RSPO4: variants seen among roughly 807,000 people sequenced by gnomAD.
RSPO4 encodes the protein R-spondin 4, also known as R-spondin-4.
Under a neutral mutation model 24.8 loss-of-function variants are expected in RSPO4, and 23 were observed. The observed-to-expected ratio is 0.93, with a 90% CI of 0.67 to 1.31. The LOEUF (loss-of-function observed/expected upper bound fraction) is 1.31, where lower values mean the gene tolerates loss of function less well. Among genes scored for constraint, RSPO4 ranks in the 40% most tolerant of loss-of-function variants. RSPO4 has a pLI of 0.00. For synonymous variants in RSPO4, 141 were observed against 127.4 expected, an observed-to-expected ratio of 1.11 and a Z score of -0.72; for missense variants, 333 against 316.5, an observed-to-expected ratio of 1.05 and a Z score of -0.39.
In RSPO4 at chr20:985,351, T is replaced by A. The variant is rs939606265; in HGVS notation, c.79+16735A>T. Among the ~76,000 whole-genome samples the A allele has an allele frequency of 2.0e-5, 3 of 151,140 alleles. No individual in the cohort carries two copies. The South Asian group carries it at 6.4e-4, about 32-fold the overall frequency. On this transcript the variant is annotated intron_variant, in intron 1 of 4. Coordinates refer to ENST00000217260, the MANE Select transcript of RSPO4 (RefSeq NM_001029871.4). The stretch of plus-strand genomic sequence containing the variant: ...ATCCACCCAACCATCTATCCGTCCA[T>A]CCATCCATTCAGCAGATATTTCTTG...
intron 1 of RSPO4, among the ~76,000 whole-genome samples, chr20:968,836 A>C (rs771852215): frequency 6.6e-5 from 10 of 152,192 alleles, no homozygotes; most frequent in Non-Finnish European, 1.3e-4. Context: ...TTTTTTAAGG[A>C]GAAAATTTTT....
At chr20:969,349 A>T (rs896107304) in intron 1 of RSPO4, among the ~76,000 whole-genome samples, 1 of 152,154 alleles carries the variant, frequency 6.6e-6, no homozygotes, top group Non-Finnish European at 1.5e-5. Context: ...CAGCCTAGGG[A>T]AGTGAGTTGT....
intron 1 of RSPO4, among the ~76,000 whole-genome samples, chr20:989,505 G>T (rs894674052): frequency 6.6e-6 from 1 of 152,208 alleles, no homozygotes; most frequent in African/African-American, 2.4e-5. Flanking sequence ...CATTGTAGGT[G>T]CTCAATAAAT....
intron 1 of RSPO4, among the ~76,000 whole-genome samples, chr20:993,116 G>T (rs973083189): frequency 6.6e-6 from 1 of 152,174 alleles, no homozygotes; most frequent in Non-Finnish European, 1.5e-5. Context: ...CCAGTGAAAG[G>T]GAGTGGTTTC....
intron 1 of RSPO4, among the ~76,000 whole-genome samples, chr20:986,137 G>T (rs1444683095): frequency 6.6e-6 from 1 of 152,236 alleles, no homozygotes; most frequent in Non-Finnish European, 1.5e-5. Flanking sequence ...GGAAGCTAGG[G>T]TGATCTGAAG....
intron 1 of RSPO4, among the ~76,000 whole-genome samples, chr20:990,695 T>C (rs895608070): frequency 6.6e-6 from 1 of 152,154 alleles, no homozygotes; most frequent in Non-Finnish European, 1.5e-5. Context: ...GTGTAAGCTG[T>C]TGGCTGAGGA....
Position 984,288 on chromosome 20 carries a change from G to A in RSPO4, c.80-16150C>T, listed in dbSNP as rs140145895. 6.8e-3 allele frequency among the ~76,000 whole-genome samples: 1,029 copies of A among 152,078 alleles called. 12 individuals are homozygous for A. Among genetic ancestry groups the A allele is most frequent in the African/African-American group, 0.023 (963 of 41,424 alleles). On this transcript the variant is annotated intron_variant, in intron 1 of 4. Transcript: ENST00000217260. ...TGGGCAGCAGAGGTTGCAGTGAGCC[G>A]AGATCATGCCACTACACTCCACCCT...
intron 1 of RSPO4, among the ~76,000 whole-genome samples, chr20:972,841 C>T (rs771375851): frequency 1.3e-5 from 2 of 152,336 alleles, no homozygotes; most frequent in South Asian, 2.1e-4. Context: ...GAGGCGACCC[C>T]ACTACCAAAG....
chr20:966,131 A>G lies in RSPO4; in HGVS notation c.409+1043T>C, dbSNP rs1003646855. On this transcript the variant is annotated intron_variant, in intron 3 of 4. Transcript: ENST00000217260. Reference sequence around the variant, plus strand: ...CAGTGGAGGTGAGGATCAGCTGCTCAGGGAGGCTGGAGACACGGAGTCAGG... The same window carrying G: ...CAGTGGAGGTGAGGATCAGCTGCTCGGGGAGGCTGGAGACACGGAGTCAGG... Among the ~76,000 whole-genome samples the G allele has an allele frequency of 2.0e-5, 3 of 152,280 alleles. 1 individual carries two copies.
intron 1 of RSPO4, among the ~76,000 whole-genome samples, chr20:969,152 CAAA>C (rs1172929251): frequency 6.6e-6 from 1 of 152,152 alleles, no homozygotes; most frequent in Non-Finnish European, 1.5e-5. Flanking sequence ...CCTGTCTCTA[CAAA>C]AAATACAAAA....
intron 1 of RSPO4, among the ~76,000 whole-genome samples, chr20:992,836 T>A (rs917937049): frequency 6.6e-6 from 1 of 152,140 alleles, no homozygotes; most frequent in African/African-American, 2.4e-5. Context: ...TTGTCTATGT[T>A]TCATGCCTCA....
At chr20:994,606 G>A (rs772691043) in intron 1 of RSPO4, among the ~76,000 whole-genome samples, 3 of 152,178 alleles carry the variant, frequency 2.0e-5, no homozygotes, top group Non-Finnish European at 4.4e-5. Flanking sequence ...ACCCAGGCTA[G>A]AGTGCAGCAG....
In RSPO4 at chr20:983,411, G is replaced by T. The variant is rs184821779; in HGVS notation, c.80-15273C>A. Among the ~76,000 whole-genome samples, 4 of 152,326 alleles carry T rather than the reference G, an allele frequency of 2.6e-5. No homozygotes were observed. In the East Asian group the frequency reaches 7.7e-4, roughly 29 times the overall value. On this transcript the variant is annotated intron_variant, in intron 1 of 4. Coordinates refer to ENST00000217260, the MANE Select transcript of RSPO4 (RefSeq NM_001029871.4). ...GACATGAGAGATCGATTCCTAAAATGAATGAGTTGAGCTGCTTTGGCTGAG... is the reference window on the plus strand; with the variant it reads ...GACATGAGAGATCGATTCCTAAAATTAATGAGTTGAGCTGCTTTGGCTGAG...
chr20:982,158 CAG>C (rs1600096354), intron 1 of RSPO4, among the ~76,000 whole-genome samples: 1 of 152,160 alleles, frequency 6.6e-6, no homozygotes, highest in Non-Finnish European at 1.5e-5. Flanking sequence ...GGGACCGGGG[CAG>C]AGAGTCTACC....
chr20:982,198 G>T (rs1024294506), intron 1 of RSPO4, among the ~76,000 whole-genome samples: 3 of 152,152 alleles, frequency 2.0e-5, no homozygotes, highest in Admixed American at 1.3e-4. Context: ...AGACCCACCT[G>T]CCCAGAGCTA....
chr20:971,062 T>G (rs1238672563), intron 1 of RSPO4, among the ~76,000 whole-genome samples: 1 of 152,208 alleles, frequency 6.6e-6, no homozygotes, highest in Non-Finnish European at 1.5e-5. Flanking sequence ...AGGCTGGTCT[T>G]GAACTCTGGC....
chr20:999,630 C>T (rs981375096), intron 1 of RSPO4, among the ~76,000 whole-genome samples: 3 of 152,016 alleles, frequency 2.0e-5, no homozygotes, highest in African/African-American at 7.2e-5. Context: ...TCTGAAGATG[C>T]TAGGCAGGTG....
chr20:967,382 G>T, intron 2 of RSPO4, 68 bp from the exon 3 acceptor site: 2 of 1,539,376 alleles, frequency 1.3e-6, no homozygotes, highest in South Asian at 1.1e-5. Flanking sequence ...GGGTCTGCCC[G>T]AGGTGGAAGG....
intron 3 of RSPO4, among the ~76,000 whole-genome samples, chr20:964,797 T>TACAC (rs1311803399): frequency 2.3e-4 from 23 of 101,090 alleles, no homozygotes; most frequent in Admixed American, 5.9e-4. Context: ...TACACATATA[T>TACAC]ACACACATAC....
Sources: gnomAD v4.1 joint callset for allele counts (sites outside exome capture counted in the v4.1 genomes callset) on GRCh38, gnomAD v4.1.1 for gene constraint, MANE v1.5 for transcripts, NCBI Gene and HGNC (gene_info 2026-07-23, HGNC 2026-07-21) for gene names.